Variants in ADGRV1 observed in about 807,000 individuals in gnomAD.
ADGRV1 encodes adhesion G protein-coupled receptor V1.
ADGRV1 carries 359 observed loss-of-function variants against 596.2 expected under a neutral mutation model. The ratio of observed to expected loss-of-function variants is 0.60; its 90% confidence interval spans 0.55 to 0.66. The LOEUF is 0.66. ADGRV1 is among the 30% of genes least tolerant of loss of function. The pLI is 0.00. For synonymous variants in ADGRV1, 2,681 were observed against 2,679.2 expected (o/e 1.00, Z -0.02); for missense variants, 7,274 against 7,575.6 (o/e 0.96, Z 1.48).
At chr5:91,029,548 A>C (rs1001242176) in intron 85 of ADGRV1, among the ~76,000 whole-genome samples, 1 of 152,136 alleles carries the variant, frequency 6.6e-6, no homozygotes, top group African/African-American at 2.4e-5. Context: ...ACATTGACAA[A>C]TTACTCTGAA....
intron 84 of ADGRV1, among the ~76,000 whole-genome samples, chr5:90,976,679 A>T (rs1209363366): frequency 1.3e-5 from 2 of 152,154 alleles, no homozygotes; most frequent in African/African-American, 4.8e-5. Flanking sequence ...AGATATTCAT[A>T]TATGATATAG....
Position 90,801,425 on chromosome 5 carries a change from TAAAG to T in ADGRV1, c.14518-1310_14518-1307del, listed in dbSNP as rs1761359834. 2.6e-5 allele frequency among the ~76,000 whole-genome samples: 4 copies of T among 151,958 alleles called. No homozygotes were observed. The South Asian group carries it at 8.3e-4, about 32-fold the overall frequency. ...CTATTCACTCTTAGGAAAATAAAGA[TAAAG>T]AAAAATCATTAGCTGCCCAGCCAGT... On this transcript the variant is annotated intron_variant, in intron 70 of 89. Transcript: ENST00000405460.
At chr5:90,862,029 G>C (rs1767639346) in intron 82 of ADGRV1, among the ~76,000 whole-genome samples, 1 of 152,078 alleles carries the variant, frequency 6.6e-6, no homozygotes, top group Admixed American at 6.5e-5. Flanking sequence ...ATCCTGAACT[G>C]CCACCAGGTG....
intron 81 of ADGRV1, among the ~76,000 whole-genome samples, chr5:90,855,183 G>A (rs1766908211): frequency 6.6e-6 from 1 of 152,050 alleles, no homozygotes; most frequent in Non-Finnish European, 1.5e-5. Context: ...TTATGACATG[G>A]TTTTTCTGCT....
intron 43 of ADGRV1, chr5:90,717,965 CT>C (rs1467763663): frequency 6.6e-6 from 1 of 152,196 alleles, no homozygotes; most frequent in Non-Finnish European, 1.5e-5. Context: ...ATTATTTTGA[CT>C]CATTTTTTAT....
chr5:90,765,799 G>A (rs1233172939), intron 59 of ADGRV1, among the ~76,000 whole-genome samples: 1 of 151,726 alleles, frequency 6.6e-6, no homozygotes, highest in Non-Finnish European at 1.5e-5. Context: ...CGACCTCCCG[G>A]CTCAAGCAAC....
chr5:90,961,267 G>A (rs1351444819), intron 83 of ADGRV1, among the ~76,000 whole-genome samples: 2 of 152,060 alleles, frequency 1.3e-5, no homozygotes, highest in Admixed American at 6.5e-5. Context: ...TTGGGAGGCC[G>A]AAGCGGGCGG....
intron 85 of ADGRV1, among the ~76,000 whole-genome samples, chr5:90,995,120 G>C (rs1781307397): frequency 1.3e-5 from 2 of 152,152 alleles, no homozygotes; most frequent in South Asian, 4.1e-4. Context: ...TCATGCTCCA[G>C]CTTTTCTTTT....
At chr5:90,732,285 T>G (rs951717419) in intron 50 of ADGRV1, among the ~76,000 whole-genome samples, 1 of 152,220 alleles carries the variant, frequency 6.6e-6, no homozygotes, top group African/African-American at 2.4e-5. Flanking sequence ...CATGAGACAC[T>G]GTGCCCAACT....
At chr5:90,922,879 T>C (rs3114652) in intron 83 of ADGRV1, among the ~76,000 whole-genome samples, 53,257 of 152,018 alleles carry the variant, frequency 0.35, 9,730 homozygotes, top group East Asian at 0.59. Context: ...TGGTCTCCTG[T>C]AGGCCTTAAG....
At chr5:90,568,305 A>G (rs758180885) in intron 1 of ADGRV1, among the ~76,000 whole-genome samples, 17 of 151,792 alleles carry the variant, frequency 1.1e-4, no homozygotes, top group South Asian at 2.1e-4. Context: ...AAGTTTTGGT[A>G]TGCTCTGATT....
chr5:90,810,083 A>G, intron 73 of ADGRV1, 150 bp from the exon 74 acceptor site: 1 of 652,726 alleles, frequency 1.5e-6, no homozygotes, highest in Non-Finnish European at 2.5e-6. Flanking sequence ...ACATATCAAT[A>G]AATAGGGTTT....
Position 90,725,458 on chromosome 5 carries a change from A to C in ADGRV1, c.10054-91A>C, listed in dbSNP as rs184200630. On this transcript the variant is annotated intron_variant, in intron 47 of 89. Transcript: ENST00000405460. ...GGTATTAAAATTTTTTAAGTCTTGC[A>C]CTTCAGATTTTAACTCATGCTATTA... The C allele has an allele frequency of 3.8e-6, 3 of 799,150 alleles. No homozygotes were observed. The African/African-American group carries it at 5.3e-5, about 14-fold the overall frequency. 49.5% of individuals were successfully genotyped at this position (799,150 alleles called of 1,614,324 possible).
chr5:90,616,611 G>A (rs1270329914), intron 2 of ADGRV1, among the ~76,000 whole-genome samples: 1 of 151,908 alleles, frequency 6.6e-6, no homozygotes, highest in African/African-American at 2.4e-5. Flanking sequence ...ACGTATTTTG[G>A]GGGTATATGT....
chr5:90,643,554 C>T (rs911012156), intron 13 of ADGRV1, among the ~76,000 whole-genome samples: 1 of 152,126 alleles, frequency 6.6e-6, no homozygotes, highest in African/African-American at 2.4e-5. Context: ...ATCCACTTTT[C>T]TTACCATTTT....
chr5:90,622,561 C>G (rs368285759), intron 4 of ADGRV1, 36 bp from the exon 5 acceptor site: 1 of 1,015,692 alleles, frequency 9.8e-7, no homozygotes, highest in Non-Finnish European at 1.3e-6. Flanking sequence ...TCTGATTGCT[C>G]AGCTCCTGAT....
chr5:90,873,512 G>A (rs539002676), intron 83 of ADGRV1, among the ~76,000 whole-genome samples: 30 of 152,204 alleles, frequency 2.0e-4, no homozygotes, highest in African/African-American at 2.4e-4. Context: ...CCAACCCCCC[G>A]TTTATTCTCG....
intron 87 of ADGRV1, among the ~76,000 whole-genome samples, chr5:91,114,078 G>A (rs1246888116): frequency 6.6e-6 from 1 of 151,924 alleles, no homozygotes; most frequent in Non-Finnish European, 1.5e-5. Context: ...AATTAGCTGA[G>A]CATGGTGGCA....
intron 67 of ADGRV1, among the ~76,000 whole-genome samples, chr5:90,786,017 A>T (rs1363086721): frequency 1.3e-5 from 2 of 152,184 alleles, no homozygotes; most frequent in Non-Finnish European, 2.9e-5. Flanking sequence ...TCCATCAATG[A>T]TAGACTGGAT....
Sources: allele counts gnomAD v4.1 joint callset (sites outside exome capture counted in the v4.1 genomes callset), GRCh38; gene constraint gnomAD v4.1.1; transcripts MANE v1.5; gene names NCBI Gene and HGNC (gene_info 2026-07-23, HGNC 2026-07-21).